Variants in ZDHHC17 observed in about 807,000 individuals in gnomAD.
ZDHHC17 encodes the protein zDHHC palmitoyltransferase 17, also known as palmitoyltransferase ZDHHC17.
A neutral mutation model predicts 90.3 loss-of-function variants in ZDHHC17; 40 were observed. The observed-to-expected ratio is 0.44, with a 90% CI of 0.34 to 0.58. ZDHHC17 has a LOEUF of 0.58. ZDHHC17 is among the 20% of genes least tolerant of loss of function. ZDHHC17 has a pLI of 0.01. For synonymous variants in ZDHHC17, 235 were observed against 252.4 expected (o/e 0.93, Z 0.65); for missense variants, 614 against 780.8 (o/e 0.79, Z 2.55).
intron 16 of ZDHHC17, 136 bp downstream of exon 16, chr12:76,849,606 CATA>C (rs905214638): frequency 1.6e-5 from 9 of 561,028 alleles, no homozygotes; most frequent in African/African-American, 9.9e-5. Context: ...ATCAGTTCAC[CATA>C]ATAACAACAA....
intron 8 of ZDHHC17, among the ~76,000 whole-genome samples, chr12:76,825,546 ATTAG>A (rs989011505): frequency 2.6e-5 from 4 of 152,152 alleles, no homozygotes; most frequent in South Asian, 2.1e-4. Context: ...AAAGAATTGG[ATTAG>A]TTATTTTGCT....
chr12:76,794,652 C>G (rs2137742109), intron 1 of ZDHHC17, among the ~76,000 whole-genome samples: 1 of 152,128 alleles, frequency 6.6e-6, no homozygotes, highest in Non-Finnish European at 1.5e-5. Flanking sequence ...AAAACAGATA[C>G]TTACATAGGT....
At chr12:76,771,949 T>C (rs1347931998) in intron 1 of ZDHHC17, among the ~76,000 whole-genome samples, 1 of 152,154 alleles carries the variant, frequency 6.6e-6, no homozygotes, top group Non-Finnish European at 1.5e-5. Context: ...ACCAAAACTC[T>C]CTTATCTCTC....
At chr12:76,778,058 G>A (rs1451462451) in intron 1 of ZDHHC17, among the ~76,000 whole-genome samples, 1 of 152,154 alleles carries the variant, frequency 6.6e-6, no homozygotes, top group African/African-American at 2.4e-5. Context: ...CTAGTTTAAA[G>A]CAAACACTCC....
intron 10 of ZDHHC17, among the ~76,000 whole-genome samples, chr12:76,834,511 A>G (rs1405468566): frequency 1.3e-5 from 2 of 152,204 alleles, no homozygotes; most frequent in East Asian, 1.9e-4. Flanking sequence ...TTTTTTCTGT[A>G]GGTTACTTGT....
chr12:76,830,813 G>A (rs1418790692), intron 10 of ZDHHC17, among the ~76,000 whole-genome samples: 3 of 152,136 alleles, frequency 2.0e-5, no homozygotes, highest in African/African-American at 4.8e-5. Context: ...AGGAAAATCA[G>A]TAACTTACCA....
rs1398930627 is a variant in ZDHHC17, at chr12:76,852,825, A to AT, written c.*1844dup. On this transcript the variant is annotated 3_prime_UTR_variant, in exon 17 of 17. Transcript: ENST00000426126. ...TGTGGGGTGGCAATAGCATTGTGCC[A>AT]TTTTGTCATAGAATGTAAAAATTGG... 6.6e-6 allele frequency: 1 copy of AT among 152,622 alleles called. No individual in the cohort carries two copies. The highest frequency in any genetic ancestry group is 1.5e-5 in the Non-Finnish European group (1 of 68,020). The allele number at this position is 152,622 out of a possible 1,614,324, so 9.5% of individuals were successfully genotyped here.
intron 1 of ZDHHC17, chr12:76,781,542 G>A: frequency 3.1e-5 from 14 of 446,162 alleles, no homozygotes; most frequent in South Asian, 2.2e-4. Context: ...TCGAGAGTGG[G>A]TGGTTCTAAA....
At chr12:76,764,493 CG>C in intron 1 of ZDHHC17, 164 bp downstream of exon 1, 2 of 652,452 alleles carry the variant, frequency 3.1e-6, no homozygotes, top group Non-Finnish European at 2.6e-6. Context: ...GAGCGGATAA[CG>C]GGGGAGGAGA....
chr12:76,824,080 T>TTA (rs1350925628), intron 8 of ZDHHC17, among the ~76,000 whole-genome samples: 1 of 149,694 alleles, frequency 6.7e-6, no homozygotes, highest in East Asian at 1.9e-4. Flanking sequence ...AAGTTTTATT[T>TTA]TATATATGTA....
rs1953582077 is a variant in ZDHHC17, at chr12:76,852,873, G to C, written c.*1888G>C. ...TGGTTAACTTTACAAATGTCAGCTAGTTTTGACTACTAATTGGGGGAAATT... is the reference window on the plus strand; with the variant it reads ...TGGTTAACTTTACAAATGTCAGCTACTTTTGACTACTAATTGGGGGAAATT... On this transcript the variant is annotated 3_prime_UTR_variant, in exon 17 of 17. Coordinates refer to ENST00000426126, the MANE Select transcript of ZDHHC17 (RefSeq NM_015336.4). 3 of 152,580 alleles carry C rather than the reference G, an allele frequency of 2.0e-5. No individual in the cohort carries two copies. Among genetic ancestry groups the C allele is most frequent in the African/African-American group, 7.2e-5 (3 of 41,440 alleles). 9.5% of individuals were successfully genotyped at this position (152,580 alleles called of 1,614,324 possible).
chr12:76,830,045 A>C (rs1483850275), intron 10 of ZDHHC17, among the ~76,000 whole-genome samples: 1 of 144,222 alleles, frequency 6.9e-6, no homozygotes, highest in Non-Finnish European at 1.5e-5. Flanking sequence ...CCTGTGTGCC[A>C]ATAAAGACAG....
chr12:76,845,059 A>G (rs773267007), intron 12 of ZDHHC17: 1 of 150,296 alleles, frequency 6.7e-6, no homozygotes, highest in Non-Finnish European at 1.5e-5. Flanking sequence ...TTTTTTTTGC[A>G]AGAAATAGTG....
chr12:76,767,704 G>A (rs1952447601), intron 1 of ZDHHC17, among the ~76,000 whole-genome samples: 1 of 152,182 alleles, frequency 6.6e-6, no homozygotes, highest in Non-Finnish European at 1.5e-5. Flanking sequence ...CGGATCACCT[G>A]AGGTTCGGAG....
intron 7 of ZDHHC17, among the ~76,000 whole-genome samples, chr12:76,821,396 GTTTATT>G (rs1283606083): frequency 6.6e-6 from 1 of 151,738 alleles, no homozygotes; most frequent in Non-Finnish European, 1.5e-5. Context: ...TTATTTTGTT[GTTTATT>G]TTTATTTTAT....
At chr12:76,794,075 C>T (rs1465908778) in intron 1 of ZDHHC17, among the ~76,000 whole-genome samples, 3 of 151,862 alleles carry the variant, frequency 2.0e-5, no homozygotes, top group Admixed American at 1.3e-4. Context: ...TTAGTAGAGA[C>T]GGGGTTTCAC....
At chr12:76,804,973 A>G (rs1952938681) in intron 2 of ZDHHC17, among the ~76,000 whole-genome samples, 3 of 151,974 alleles carry the variant, frequency 2.0e-5, no homozygotes, top group South Asian at 4.1e-4. Flanking sequence ...ACTGATTTTT[A>G]TATATTTAAT....
At chr12:76,779,470 A>G (rs1485288623) in intron 1 of ZDHHC17, among the ~76,000 whole-genome samples, 1 of 152,134 alleles carries the variant, frequency 6.6e-6, no homozygotes, top group Non-Finnish European at 1.5e-5. Context: ...TCCCATTTAT[A>G]AAACCATCAG....
In ZDHHC17 at chr12:76,764,174, C is replaced by T. The variant is rs959742939; in HGVS notation, c.-63C>T. The T allele has an allele frequency of 8.9e-6, 12 of 1,343,260 alleles. No individual in the cohort carries two copies. The East Asian group carries it at 1.3e-4, about 15-fold the overall frequency. The allele number at this position is 1,343,260 out of a possible 1,614,324, so 83.2% of individuals were successfully genotyped here. On this transcript the variant is annotated 5_prime_UTR_variant, in exon 1 of 17. Coordinates refer to ENST00000426126, the MANE Select transcript of ZDHHC17 (RefSeq NM_015336.4). Reference sequence around the variant, plus strand: ...CGCGTCGCCTCCGGCGGGGCTCGCGCTCGCCCCGCGCTCGCCCTCCGCCTC... The same window carrying T: ...CGCGTCGCCTCCGGCGGGGCTCGCGTTCGCCCCGCGCTCGCCCTCCGCCTC...
Sources: allele counts gnomAD v4.1 joint callset (sites outside exome capture counted in the v4.1 genomes callset), GRCh38; gene constraint gnomAD v4.1.1; transcripts MANE v1.5; gene names NCBI Gene and HGNC (gene_info 2026-07-23, HGNC 2026-07-21).